Variants in MIER1 observed in about 807,000 individuals in gnomAD.
MIER1 encodes MIER1 transcriptional regulator.
A neutral mutation model predicts 75.7 loss-of-function variants in MIER1; 40 were observed. That is an observed-to-expected ratio of 0.53 (90% confidence interval 0.41 to 0.69). The LOEUF (loss-of-function observed/expected upper bound fraction) is 0.69. Among genes scored for constraint, MIER1 ranks in the 30% least tolerant of loss-of-function variants. The pLI is 0.00. For synonymous variants in MIER1, 213 were observed against 223.4 expected, an observed-to-expected ratio of 0.95 and a Z score of 0.42; for missense variants, 574 against 680.2, an observed-to-expected ratio of 0.84 and a Z score of 1.74.
intron 3 of MIER1, among the ~76,000 whole-genome samples, chr1:66,945,665 C>G (rs1657451669): frequency 6.6e-6 from 1 of 152,072 alleles, no homozygotes; most frequent in Non-Finnish European, 1.5e-5. Context: ...AGTTCAAGAC[C>G]AGCCAGGGCA....
At chr1:66,930,239 T>C in intron 2 of MIER1, 1 of 1,450,684 alleles carries the variant, frequency 6.9e-7, no homozygotes, top group Non-Finnish European at 9.1e-7. Context: ...GTGGGCGCGC[T>C]CGGGCGGCTC....
intron 4 of MIER1, among the ~76,000 whole-genome samples, chr1:66,949,308 T>A (rs1658385395): frequency 6.6e-6 from 1 of 152,210 alleles, no homozygotes; most frequent in East Asian, 1.9e-4. Flanking sequence ...TTACATTTAA[T>A]TAGTAGAAAA....
Position 66,985,604 on chromosome 1 carries a change from TGACTG to T in MIER1, c.*705_*709del, listed in dbSNP as rs1341848222. ...AAAGATTTTTACAGTACATATGTCT[TGACTG>T]AGCTGTCCTTTCTTAATACAAAAGC... On this transcript the variant is annotated 3_prime_UTR_variant, in exon 14 of 14. Coordinates refer to ENST00000401041, the MANE Select transcript of MIER1 (RefSeq NM_001077700.3). 35 of 985,166 alleles carry T rather than the reference TGACTG, an allele frequency of 3.6e-5. No homozygotes were observed. The highest frequency in any genetic ancestry group is 4.2e-5 in the Non-Finnish European group (35 of 829,728). The allele number at this position is 985,166 out of a possible 1,614,324, so 61.0% of individuals were successfully genotyped here.
At chr1:66,948,156 T>C in intron 4 of MIER1, 8 of 887,954 alleles carry the variant, frequency 9.0e-6, no homozygotes, top group Non-Finnish European at 1.1e-5. Context: ...TATTTCATGG[T>C]ACCTTGCAAG....
chr1:66,960,607 A>T (rs1436203129), intron 7 of MIER1, among the ~76,000 whole-genome samples: 1 of 152,114 alleles, frequency 6.6e-6, no homozygotes, highest in African/African-American at 2.4e-5. Flanking sequence ...TCAGCCCAGG[A>T]GTTTGAGACC....
At chr1:66,926,910 A>AG (rs770431648) in intron 2 of MIER1, among the ~76,000 whole-genome samples, 2 of 152,148 alleles carry the variant, frequency 1.3e-5, no homozygotes, top group Non-Finnish European at 2.9e-5. Context: ...CATAACAGAT[A>AG]GGTTTATATA....
At chr1:66,929,518 A>G (rs1652581335) in intron 2 of MIER1, among the ~76,000 whole-genome samples, 1 of 152,264 alleles carries the variant, frequency 6.6e-6, no homozygotes, top group African/African-American at 2.4e-5. Context: ...ACATTAAAAT[A>G]AACTTTCAAG....
chr1:66,930,285 G>C (rs999962814), intron 2 of MIER1: 1 of 1,544,792 alleles, frequency 6.5e-7, no homozygotes, highest in Non-Finnish European at 8.7e-7. Flanking sequence ...CGGCGGGAGC[G>C]GCAGAGACGG....
Position 66,958,123 on chromosome 1 carries a change from CTGAAGAAGA to C in MIER1, c.408_416del (p.Asp138_Glu140del), listed in dbSNP as rs751335288. On this transcript the variant is annotated inframe_deletion, in exon 5 of 14. Transcript: ENST00000401041. ...GGTTATGGTAGTACTGTTCGACTAC[CTGAAGAAGA>C]TGAGGAAGAGGAAGAAGAGGAAGAA... is the stretch of plus-strand genomic sequence containing the variant. 1 of 1,610,586 alleles carries C rather than the reference CTGAAGAAGA, an allele frequency of 6.2e-7. No homozygotes were observed. Among genetic ancestry groups the C allele is most frequent in the African/African-American group, 1.3e-5 (1 of 74,722 alleles).
In MIER1 at chr1:66,984,584, A is replaced by G. The variant is rs1321741271; in HGVS notation, c.1382A>G (p.Asn461Ser). ...TCTTTCAACTTAGGAGTGTCATCTAATGGACCAGGTGAAATATTAAACAAA... is the reference window on the plus strand; with the variant it reads ...TCTTTCAACTTAGGAGTGTCATCTAGTGGACCAGGTGAAATATTAAACAAA... ...STANQNGVSS[N>S]GPGEILNKEE... Residue 461 changes from asparagine (N) to serine (S), a missense_variant, in exon 14 of 14, where the codon AAT (asparagine) becomes AGT (serine). Transcript: ENST00000401041. 1 of 1,593,384 alleles carries G rather than the reference A, an allele frequency of 6.3e-7. No individual in the cohort carries two copies. The highest frequency in any genetic ancestry group is 1.8e-5 in the Admixed American group (1 of 54,944).
intron 13 of MIER1, 61 bp from the exon 14 acceptor site, chr1:66,984,511 A>T: frequency 8.5e-7 from 1 of 1,181,626 alleles, no homozygotes; most frequent in Non-Finnish European, 1.2e-6. Context: ...GCTGTTTTAT[A>T]ATAGTTTGCA....
intron 1 of MIER1, chr1:66,925,483 C>G (rs1651405874): frequency 6.1e-6 from 6 of 985,478 alleles, no homozygotes; most frequent in Non-Finnish European, 7.2e-6. Context: ...CTGTATTTCC[C>G]TCACTTGTGT....
intron 8 of MIER1, among the ~76,000 whole-genome samples, chr1:66,968,007 TC>T (rs1175915957): frequency 1.3e-5 from 2 of 152,198 alleles, no homozygotes; most frequent in Non-Finnish European, 2.9e-5. Context: ...GTCTAATTGT[TC>T]TGATTTTTTC....
intron 4 of MIER1, among the ~76,000 whole-genome samples, chr1:66,949,187 G>A (rs1055599049): frequency 5.9e-4 from 90 of 152,150 alleles, no homozygotes; most frequent in African/African-American, 2.0e-3. Context: ...TGTATTTTCT[G>A]TCTTATATTC....
At chr1:66,936,219 AGTTTT>A (rs1477436958) in intron 2 of MIER1, among the ~76,000 whole-genome samples, 3 of 151,808 alleles carry the variant, frequency 2.0e-5, no homozygotes, top group African/African-American at 4.8e-5. Context: ...GCTTTAGTTT[AGTTTT>A]GTTTTGTTTT....
intron 1 of MIER1, chr1:66,925,588 G>A: frequency 1.0e-6 from 1 of 974,658 alleles, no homozygotes; most frequent in Non-Finnish European, 1.2e-6. Flanking sequence ...AGGGAGGGAG[G>A]AGAGACTCGA....
Position 66,940,145 on chromosome 1 carries a change from C to T in MIER1, c.193+93C>T, listed in dbSNP as rs140865163. The T allele has an allele frequency of 5.3e-4, 467 of 880,320 alleles. 4 individuals are homozygous for T. The East Asian group carries it at 0.011, about 20-fold the overall frequency. 54.5% of individuals were successfully genotyped at this position (880,320 alleles called of 1,614,324 possible). A position where few individuals can be genotyped will look rare whatever the true frequency, so the allele number is the denominator to read the frequency against. On this transcript the variant is annotated intron_variant, in intron 3 of 13. Coordinates refer to ENST00000401041, the MANE Select transcript of MIER1 (RefSeq NM_001077700.3). ...CTAGAGGAGTTAGACTATTATCTGA[C>T]TTGCTTTTCTTCTGAATGCTTCTTT...
At chr1:66,936,998 CAAAAAA>C (rs751644771) in intron 2 of MIER1, among the ~76,000 whole-genome samples, 4 of 68,342 alleles carry the variant, frequency 5.9e-5, no homozygotes, top group Non-Finnish European at 1.1e-4. Flanking sequence ...GACTCCATCT[CAAAAAA>C]AAAAAAAAAA....
chr1:66,958,858 A>T lies in MIER1; in HGVS notation c.509A>T (p.Asn170Ile). The change falls in exon 6 of 14, where the codon AAT becomes ATT. Residue 170 changes from asparagine (N) to isoleucine (I), a missense_variant. Around this residue, in one of 3 missense-constraint regions of MIER1, gnomAD observed 309 missense variants for 352.8 expected, o/e 0.88. Coordinates refer to ENST00000401041, the MANE Select transcript of MIER1 (RefSeq NM_001077700.3). ...TAATTTATTATTCCACAGGAGGAGA[A>T]TATAAAGGATTCATCAGGTCAGGAG... ...SGCSGENKEE[N>I]IKDSSGQEDE... 1 of 1,607,356 alleles carries T rather than the reference A, an allele frequency of 6.2e-7. No homozygotes were observed. The highest frequency in any genetic ancestry group is 8.5e-7 in the Non-Finnish European group (1 of 1,175,390).
Sources: allele counts gnomAD v4.1 joint callset (sites outside exome capture counted in the v4.1 genomes callset), GRCh38; gene constraint gnomAD v4.1.1; regional missense constraint gnomAD v4.1.1; transcripts MANE v1.5; gene names NCBI Gene and HGNC (gene_info 2026-07-23, HGNC 2026-07-21).